LPGAT1: variants seen among roughly 807,000 people sequenced by gnomAD.
The protein encoded by LPGAT1 is acyl-CoA:lysophosphatidylglycerol acyltransferase 1.
A neutral mutation model predicts 47.5 loss-of-function variants in LPGAT1; 11 were observed. That is an observed-to-expected ratio of 0.23 (90% CI 0.15 to 0.38). The LOEUF (loss-of-function observed/expected upper bound fraction) is 0.38. Ranked by LOEUF, LPGAT1 falls within the 10% of genes least tolerant of loss-of-function variation. LPGAT1 has a pLI of 1.00. For synonymous variants in LPGAT1, 138 were observed against 144.2 expected (o/e 0.96, Z 0.31); for missense variants, 293 against 439.0 (o/e 0.67, Z 2.97).
In LPGAT1 at chr1:211,814,190, T is replaced by C. The variant is rs1211557988; in HGVS notation, c.238+14869A>G. On this transcript the variant is annotated intron_variant, in intron 2 of 7. Transcript: ENST00000366997. ...TTATTCATCCACAGATGGTACTTAA[T>C]ATGCGTATGGATTCCTGACCCCCTG... Among the ~76,000 whole-genome samples, 6 of 152,340 alleles carry C rather than the reference T, an allele frequency of 3.9e-5. No individual in the cohort carries two copies. In the East Asian group the frequency reaches 1.2e-3, roughly 29 times the overall value.
intron 2 of LPGAT1, among the ~76,000 whole-genome samples, chr1:211,797,231 A>C (rs1659386579): frequency 6.6e-6 from 1 of 151,974 alleles, no homozygotes; most frequent in African/African-American, 2.4e-5. Flanking sequence ...ACTCCAGCCT[A>C]GGTGACAAAG....
At chr1:211,808,893 G>C (rs1313888670) in intron 2 of LPGAT1, among the ~76,000 whole-genome samples, 2 of 152,020 alleles carry the variant, frequency 1.3e-5, no homozygotes, top group African/African-American at 4.8e-5. Context: ...CCCCAAAGTA[G>C]CCTGGTTCAA....
In LPGAT1 at chr1:211,830,706, C is replaced by T; in HGVS notation, c.-161G>A. The T allele has an allele frequency of 8.4e-7, 1 of 1,186,282 alleles. No individual in the cohort carries two copies. The highest frequency in any genetic ancestry group is 1.0e-6 in the Non-Finnish European group (1 of 958,636). 73.5% of individuals were successfully genotyped at this position (1,186,282 alleles called of 1,614,324 possible). A position where few individuals can be genotyped will look rare whatever the true frequency, so the allele number is the denominator to read the frequency against. ...CTCCGGCTGTGGCGCGGCCCGCGCCCGTTCCCCGGCGGCGCCGAGACTCGG... is the reference window on the plus strand; with the variant it reads ...CTCCGGCTGTGGCGCGGCCCGCGCCTGTTCCCCGGCGGCGCCGAGACTCGG... On this transcript the variant is annotated 5_prime_UTR_variant, in exon 1 of 8. Coordinates refer to ENST00000366997, the MANE Select transcript of LPGAT1 (RefSeq NM_014873.3). The surrounding 1 kb of genome is among the most constrained non-coding windows in gnomAD (Gnocchi z 5.9).
At chr1:211,814,633 C>T (rs1349384359) in intron 2 of LPGAT1, among the ~76,000 whole-genome samples, 2 of 152,194 alleles carry the variant, frequency 1.3e-5, no homozygotes, top group African/African-American at 4.8e-5. Context: ...CCGGTTTCAT[C>T]AGGTACAACC....
chr1:211,746,835 T>C lies in LPGAT1; in HGVS notation c.*3064A>G, dbSNP rs74603939. On this transcript the variant is annotated 3_prime_UTR_variant, in exon 8 of 8. Coordinates refer to ENST00000366997, the MANE Select transcript of LPGAT1 (RefSeq NM_014873.3). ...TTTAAGTACAGTTCACCACCAATAA[T>C]TGTTTCTGAAGTTAAGGGTGACCTG... 2.4e-3 allele frequency: 366 copies of C among 152,320 alleles called. No individual in the cohort carries two copies. The highest frequency in any genetic ancestry group is 8.4e-3 in the African/African-American group (348 of 41,562). The allele number at this position is 152,320 out of a possible 1,614,324, so 9.4% of individuals were successfully genotyped here.
rs146598965 is a variant in LPGAT1, at chr1:211,796,798, T to C, written c.239-3608A>G. Among the ~76,000 whole-genome samples, 47 of 152,340 alleles carry C rather than the reference T, an allele frequency of 3.1e-4. No individual in the cohort carries two copies. In the East Asian group the frequency reaches 9.0e-3, roughly 29 times the overall value. On this transcript the variant is annotated intron_variant, in intron 2 of 7. Transcript: ENST00000366997. ...ATAATCTAACATTATGTATTATAAA[T>C]GGTTTTTAATTTTCACTTCTAAATA...
At chr1:211,760,316 G>A (rs976792377) in intron 6 of LPGAT1, among the ~76,000 whole-genome samples, 13 of 152,182 alleles carry the variant, frequency 8.5e-5, no homozygotes, top group South Asian at 2.1e-4. Flanking sequence ...TTAGCCAGGC[G>A]TGGTGGCACA....
chr1:211,814,958 C>T (rs553367477), intron 2 of LPGAT1, among the ~76,000 whole-genome samples: 1 of 152,218 alleles, frequency 6.6e-6, no homozygotes, highest in South Asian at 2.1e-4. Context: ...CATTGAAACA[C>T]TGTGGACTTC....
chr1:211,779,120 A>G (rs1431730487), intron 5 of LPGAT1, 76 bp from the exon 6 acceptor site: 1 of 1,281,700 alleles, frequency 7.8e-7, no homozygotes, highest in Non-Finnish European at 1.1e-6. Context: ...AGATTACTTG[A>G]CCAGTGTAAG....
At chr1:211,815,926 C>T (rs1660158582) in intron 2 of LPGAT1, among the ~76,000 whole-genome samples, 1 of 151,846 alleles carries the variant, frequency 6.6e-6, no homozygotes, top group Non-Finnish European at 1.5e-5. Flanking sequence ...CTACAGGCGC[C>T]CGCCACCACG....
At chr1:211,767,934 G>A (rs149154815) in intron 6 of LPGAT1, among the ~76,000 whole-genome samples, 371 of 152,248 alleles carry the variant, frequency 2.4e-3, no homozygotes, top group African/African-American at 8.4e-3. Flanking sequence ...TACTGTACCC[G>A]AGGGTGTATA....
intron 6 of LPGAT1, among the ~76,000 whole-genome samples, chr1:211,765,471 T>C (rs1051116463): frequency 1.3e-5 from 2 of 152,228 alleles, no homozygotes; most frequent in Non-Finnish European, 2.9e-5. Flanking sequence ...ATTGTCCAAT[T>C]AAAATTAAAA....
intron 2 of LPGAT1, among the ~76,000 whole-genome samples, chr1:211,828,828 A>G (rs570521385): frequency 3.3e-5 from 5 of 152,338 alleles, no homozygotes; most frequent in Admixed American, 6.5e-5. Flanking sequence ...ATGTATGTCA[A>G]TCACAATAAA....
chr1:211,764,786 G>A (rs1397315580), intron 6 of LPGAT1, among the ~76,000 whole-genome samples: 1 of 152,152 alleles, frequency 6.6e-6, no homozygotes, highest in African/African-American at 2.4e-5. Context: ...GACTATACAG[G>A]TAGCAAACCT....
intron 3 of LPGAT1, among the ~76,000 whole-genome samples, chr1:211,789,586 T>C (rs987233917): frequency 6.6e-6 from 1 of 152,154 alleles, no homozygotes; most frequent in African/African-American, 2.4e-5. Flanking sequence ...CAGACACTTA[T>C]TATAAGGGTA....
At chr1:211,768,853 T>C (rs6540705) in intron 6 of LPGAT1, among the ~76,000 whole-genome samples, 148,569 of 152,318 alleles carry the variant, frequency 0.98, 72,472 homozygotes, top group East Asian at 1. Flanking sequence ...GCAGTGATGG[T>C]GATTTTCATA....
At chr1:211,756,724 T>C (rs1657470905) in intron 6 of LPGAT1, among the ~76,000 whole-genome samples, 1 of 152,208 alleles carries the variant, frequency 6.6e-6, no homozygotes, top group South Asian at 2.1e-4. Flanking sequence ...CCTTTACTCC[T>C]AAGTAATTTA....
At chr1:211,757,702 T>C (rs912409558) in intron 6 of LPGAT1, among the ~76,000 whole-genome samples, 19 of 152,230 alleles carry the variant, frequency 1.2e-4, no homozygotes, top group African/African-American at 4.6e-4. Context: ...AATATCAATA[T>C]TGATGTAATC....
intron 2 of LPGAT1, among the ~76,000 whole-genome samples, chr1:211,811,240 G>A (rs901606473): frequency 2.6e-5 from 4 of 152,162 alleles, no homozygotes; most frequent in Admixed American, 6.5e-5. Context: ...CTTGATAGGA[G>A]GGACATTCTA....
Sources: allele counts gnomAD v4.1 joint callset (sites outside exome capture counted in the v4.1 genomes callset), GRCh38; gene constraint gnomAD v4.1.1; non-coding constraint Gnocchi (gnomAD v3.1); transcripts MANE v1.5; gene names NCBI Gene and HGNC (gene_info 2026-07-23, HGNC 2026-07-21).